ZNF589: variants seen among roughly 807,000 people sequenced by gnomAD.
ZNF589 encodes KRAB-zinc finger protein SZF1-1.
In ZNF589, 17 loss-of-function variants were observed where a neutral mutation model predicts 13.6. The observed-to-expected ratio is 1.25, with a 90% CI of 0.86 to 1.88. The LOEUF (loss-of-function observed/expected upper bound fraction) is 1.88, where lower values mean the gene tolerates loss of function less well. ZNF589 is among the 40% of genes most tolerant of loss of function. The pLI is 0.00. For missense variants in ZNF589, 407 were observed against 434.0 expected, an observed-to-expected ratio of 0.94 and a Z score of 0.55; for synonymous variants, 148 against 161.6, an observed-to-expected ratio of 0.92 and a Z score of 0.64.
At chr3:48,242,119 CTT>C (rs372025252) in intron 1 of ZNF589, among the ~76,000 whole-genome samples, 4 of 149,290 alleles carry the variant, frequency 2.7e-5, no homozygotes, top group African/African-American at 9.9e-5. Context: ...GCCCAAAAGA[CTT>C]TTTTTTTGGA....
intron 2 of ZNF589, among the ~76,000 whole-genome samples, chr3:48,259,049 C>G (rs2033939223): frequency 6.6e-6 from 1 of 152,180 alleles, no homozygotes; most frequent in Non-Finnish European, 1.5e-5. Context: ...AATATGAGAA[C>G]CAGGATGTGC....
intron 2 of ZNF589, chr3:48,257,038 T>C (rs577354397): frequency 1.9e-6 from 1 of 520,938 alleles, no homozygotes; most frequent in Non-Finnish European, 3.7e-6. Context: ...TAATTCTTCT[T>C]GGGCATTTCT....
Position 48,269,131 on chromosome 3 carries a change from C to T in ZNF589, c.*345C>T. ...ACACGTGCTTTGAGTGTGGGCGAAA[C>T]TTTAGCCTCAAGTCCGCTCTTAGTG... On this transcript the variant is annotated 3_prime_UTR_variant, in exon 4 of 4. Coordinates refer to ENST00000354698, the MANE Select transcript of ZNF589 (RefSeq NM_016089.3). 1.3e-6 allele frequency: 1 copy of T among 748,498 alleles called. No homozygotes were observed. Among genetic ancestry groups the T allele is most frequent in the Non-Finnish European group, 2.2e-6 (1 of 457,458 alleles). The allele number at this position is 748,498 out of a possible 1,614,324, so 46.4% of individuals were successfully genotyped here.
At chr3:48,243,577 T>G (rs1220651155) in intron 1 of ZNF589, among the ~76,000 whole-genome samples, 1 of 151,908 alleles carries the variant, frequency 6.6e-6, no homozygotes, top group Non-Finnish European at 1.5e-5. Flanking sequence ...TTTGGGAGGC[T>G]GAGGCGGGTA....
At position 48,269,469 on chromosome 3, in the gene ZNF589, T is replaced by TTGGCCGGA. The variant is rs1244503529; in HGVS notation, c.*684_*691dup. The TTGGCCGGA allele has an allele frequency of 2.4e-6, 1 of 413,590 alleles. No individual in the cohort carries two copies. Among genetic ancestry groups the TTGGCCGGA allele is most frequent in the East Asian group, 5.0e-5 (1 of 19,908 alleles). The allele number at this position is 413,590 out of a possible 1,614,324, so 25.6% of individuals were successfully genotyped here. ...GTGTGTGGGGAATGTGGGCGGGGAT[T>TTGGCCGGA]TGGCCGGAAGATACTCCTCAACAGA... On this transcript the variant is annotated 3_prime_UTR_variant, in exon 4 of 4. Transcript: ENST00000354698.
intron 2 of ZNF589, among the ~76,000 whole-genome samples, chr3:48,258,366 A>G (rs1317578218): frequency 1.3e-5 from 2 of 152,108 alleles, no homozygotes; most frequent in African/African-American, 2.4e-5. Context: ...TTATGTGTTC[A>G]TCTTGTATCT....
intron 2 of ZNF589, among the ~76,000 whole-genome samples, chr3:48,255,158 G>C (rs1484268026): frequency 6.6e-6 from 1 of 150,630 alleles, no homozygotes; most frequent in Non-Finnish European, 1.5e-5. Flanking sequence ...TGTATTTCTA[G>C]TTTGCTGAGA....
intron 1 of ZNF589, among the ~76,000 whole-genome samples, chr3:48,243,792 CA>C (rs5848849): frequency 0.36 from 42,908 of 120,066 alleles, 6,381 homozygotes; most frequent in Non-Finnish European, 0.39. Context: ...AAGTCTGTCT[CA>C]AAAAAAAAAA....
In ZNF589 at chr3:48,268,918, A is replaced by G; in HGVS notation, c.*132A>G. On this transcript the variant is annotated 3_prime_UTR_variant, in exon 4 of 4. Coordinates refer to ENST00000354698, the MANE Select transcript of ZNF589 (RefSeq NM_016089.3). ...CAACTCTCCTCCTACACCAGTGGACACATTCAGAGGTGAAACCTCACGTGT... is the reference window on the plus strand; with the variant it reads ...CAACTCTCCTCCTACACCAGTGGACGCATTCAGAGGTGAAACCTCACGTGT... 1 of 1,300,142 alleles carries G rather than the reference A, an allele frequency of 7.7e-7. No homozygotes were observed. The highest frequency in any genetic ancestry group is 1.1e-6 in the Non-Finnish European group (1 of 937,798). The allele number at this position is 1,300,142 out of a possible 1,614,324, so 80.5% of individuals were successfully genotyped here. A position where few individuals can be genotyped will look rare whatever the true frequency, so the allele number is the denominator to read the frequency against.
Position 48,268,953 on chromosome 3 carries a change from G to T in ZNF589, c.*167G>T. 9.7e-7 allele frequency: 1 copy of T among 1,034,434 alleles called. No individual in the cohort carries two copies. The highest frequency in any genetic ancestry group is 2.4e-5 in the East Asian group (1 of 41,188). 64.1% of individuals were successfully genotyped at this position (1,034,434 alleles called of 1,614,324 possible). ...GTGAAACCTCACGTGTGTGAGGAGT[G>T]TGGGCATGGATTTAGCCAGAAGTCG... On this transcript the variant is annotated 3_prime_UTR_variant, in exon 4 of 4. Coordinates refer to ENST00000354698, the MANE Select transcript of ZNF589 (RefSeq NM_016089.3).
chr3:48,269,439 C>G lies in ZNF589; in HGVS notation c.*653C>G. 1 of 448,798 alleles carries G rather than the reference C, an allele frequency of 2.2e-6. No homozygotes were observed. The highest frequency in any genetic ancestry group is 4.2e-6 in the Non-Finnish European group (1 of 237,212). 27.8% of individuals were successfully genotyped at this position (448,798 alleles called of 1,614,324 possible). A position where few individuals can be genotyped will look rare whatever the true frequency, so the allele number is the denominator to read the frequency against. On this transcript the variant is annotated 3_prime_UTR_variant, in exon 4 of 4. Transcript: ENST00000354698. ...GAGCAGACACATTCAGGGGAGAAGC[C>G]TTATGTGTGTGGGGAATGTGGGCGG...
chr3:48,260,168 G>A (rs558163604), intron 2 of ZNF589, among the ~76,000 whole-genome samples: 1 of 152,130 alleles, frequency 6.6e-6, no homozygotes, highest in South Asian at 2.1e-4. Context: ...ACAGGGTCTC[G>A]CTCTGGTCAC....
At chr3:48,266,146 A>C (rs1247268284) in intron 3 of ZNF589, among the ~76,000 whole-genome samples, 1 of 152,238 alleles carries the variant, frequency 6.6e-6, no homozygotes, top group Non-Finnish European at 1.5e-5. Flanking sequence ...ATAAATAATG[A>C]GATCCTTGCT....
chr3:48,241,836 A>G (rs1438117481), intron 1 of ZNF589, among the ~76,000 whole-genome samples: 1 of 151,378 alleles, frequency 6.6e-6, no homozygotes, highest in African/African-American at 2.4e-5. Flanking sequence ...GGAGTATATT[A>G]TATTTTTATA....
chr3:48,252,908 G>A (rs913390791), intron 2 of ZNF589, among the ~76,000 whole-genome samples: 25 of 151,644 alleles, frequency 1.6e-4, no homozygotes, highest in Admixed American at 9.9e-4. Context: ...GAGCCACTGC[G>A]CCCAGCCATG....
intron 3 of ZNF589, among the ~76,000 whole-genome samples, chr3:48,263,362 C>T (rs111456329): frequency 6.6e-6 from 1 of 152,150 alleles, no homozygotes; most frequent in African/African-American, 2.4e-5. Context: ...CGCCTGCCTC[C>T]GCCTCCCAAA....
At chr3:48,241,236 G>A (rs1216317944) in intron 1 of ZNF589, 22 bp downstream of exon 1, 8 of 1,608,680 alleles carry the variant, frequency 5.0e-6, no homozygotes, top group Non-Finnish European at 5.1e-6. Flanking sequence ...CCGCGAGATC[G>A]CCTCCCCCAT....
intron 1 of ZNF589, among the ~76,000 whole-genome samples, chr3:48,242,202 C>G (rs1463937455): frequency 2.0e-5 from 3 of 152,008 alleles, no homozygotes; most frequent in African/African-American, 7.2e-5. Context: ...CCTCTTTCTC[C>G]CAGGTTCCAG....
In ZNF589 at chr3:48,256,797, T is replaced by G. The variant is rs746078916; in HGVS notation, c.97-4016T>G. 6 of 1,569,962 alleles carry G rather than the reference T, an allele frequency of 3.8e-6. No homozygotes were observed. In the Admixed American group the frequency reaches 1.0e-4, roughly 27 times the overall value. Reference sequence around the variant, plus strand: ...GTCGCTGTGATACGGCCTTCAATTATAGTTGTCTTTCCTTCTTGGATTTCC... The same window carrying G: ...GTCGCTGTGATACGGCCTTCAATTAGAGTTGTCTTTCCTTCTTGGATTTCC... On this transcript the variant is annotated intron_variant, in intron 2 of 3. Transcript: ENST00000354698.
Sources: allele counts gnomAD v4.1 joint callset (sites outside exome capture counted in the v4.1 genomes callset), GRCh38; gene constraint gnomAD v4.1.1; transcripts MANE v1.5; gene names NCBI Gene and HGNC (gene_info 2026-07-23, HGNC 2026-07-21).